The following ZC3H12B variants were observed in gnomAD, a reference collection of about 807,000 sequenced individuals.
The protein encoded by ZC3H12B is zinc finger CCCH-type containing 12B.
Under a neutral mutation model 43.9 loss-of-function variants are expected in ZC3H12B, and 7 were observed. That is an observed-to-expected ratio of 0.16 (90% CI 0.09 to 0.30). The LOEUF is 0.30. Among genes scored for constraint, ZC3H12B ranks in the 10% least tolerant of loss-of-function variants. ZC3H12B has a pLI of 1.00. For synonymous variants in ZC3H12B, 222 were observed against 241.7 expected (o/e 0.92, Z 0.76); for missense variants, 475 against 670.2 (o/e 0.71, Z 3.22).
chrX:65,089,192 G>A, the ZC3H12B span, among the ~76,000 whole-genome samples: 1 of 110,913 alleles, frequency 9.0e-6, no homozygotes, highest in African/African-American at 3.3e-5. Context: ...GCATTATTAG[G>A]CAATTTTGTC....
At chrX:65,215,521 A>G in the ZC3H12B span, among the ~76,000 whole-genome samples, 3 of 110,476 alleles carry the variant, frequency 2.7e-5, no homozygotes, top group African/African-American at 9.9e-5. Flanking sequence ...CTCAGCCTTC[A>G]TAGAGTTGGA....
the ZC3H12B span, among the ~76,000 whole-genome samples, chrX:65,341,796 C>CA: frequency 0.018 from 1,806 of 97,677 alleles, 28 homozygotes; most frequent in African/African-American, 0.048. Context: ...AAAGCAACCA[C>CA]AAAAAAAAAA....
the ZC3H12B span, among the ~76,000 whole-genome samples, chrX:65,060,361 G>T: frequency 8.9e-6 from 1 of 111,829 alleles, no homozygotes; most frequent in East Asian, 2.8e-4. Flanking sequence ...ATTATGTTGA[G>T]GTTTTATGTT....
At chrX:65,224,606 G>C in the ZC3H12B span, among the ~76,000 whole-genome samples, 4 of 112,484 alleles carry the variant, frequency 3.6e-5, no homozygotes, top group Admixed American at 3.7e-4. Context: ...GGGTCGGGGA[G>C]TTCCCTTTCC....
At chrX:65,170,706 C>A in the ZC3H12B span, among the ~76,000 whole-genome samples, 235 of 111,610 alleles carry the variant, frequency 2.1e-3, 1 homozygote, top group Non-Finnish European at 3.4e-3. Flanking sequence ...CACATAGTCC[C>A]ATATTTCTTG....
At chrX:65,315,411 A>G in the ZC3H12B span, among the ~76,000 whole-genome samples, 1 of 111,671 alleles carries the variant, frequency 9.0e-6, no homozygotes, top group Non-Finnish European at 1.9e-5. Context: ...GTACCATTTG[A>G]AAATACATTT....
intron 2 of ZC3H12B, among the ~76,000 whole-genome samples, chrX:65,387,431 A>G (rs1382347369): frequency 2.7e-5 from 3 of 111,121 alleles, no homozygotes; most frequent in African/African-American, 9.8e-5. Context: ...TTGTTGGTTG[A>G]AGTCTGTTTT....
chrX:65,108,614 G>A, the ZC3H12B span, among the ~76,000 whole-genome samples: 1 of 79,968 alleles, frequency 1.3e-5, no homozygotes, highest in Non-Finnish European at 2.4e-5. Flanking sequence ...TGGAGGACTT[G>A]CCTGAGGCTG....
At chrX:65,484,367 A>G (rs1392495476), upstream of ZC3H12B, among the ~76,000 whole-genome samples, 1 of 112,423 alleles carries the variant, frequency 8.9e-6, no homozygotes, top group Non-Finnish European at 1.9e-5. Flanking sequence ...AAGTTAACAA[A>G]AAAAGTAATT....
the ZC3H12B span, among the ~76,000 whole-genome samples, chrX:65,197,519 G>A: frequency 1.8e-5 from 2 of 112,383 alleles, no homozygotes; most frequent in African/African-American, 6.5e-5. Flanking sequence ...AGGCCAATGA[G>A]TTAATTAAGG....
intron 2 of ZC3H12B, among the ~76,000 whole-genome samples, chrX:65,389,309 G>C (rs2066577618): frequency 8.9e-6 from 1 of 112,138 alleles, no homozygotes; most frequent in South Asian, 3.7e-4. Flanking sequence ...CAGCTGCTTT[G>C]TTTACCTACT....
At chrX:65,159,165 G>C in the ZC3H12B span, among the ~76,000 whole-genome samples, 1 of 111,874 alleles carries the variant, frequency 8.9e-6, no homozygotes, top group Non-Finnish European at 1.9e-5. Context: ...ATGCTGTTTT[G>C]GTTACTGTAG....
intron 3 of ZC3H12B, among the ~76,000 whole-genome samples, chrX:65,457,439 G>A (rs1303636654): frequency 1.2e-5 from 1 of 81,236 alleles, no homozygotes; most frequent in Non-Finnish European, 2.2e-5. Context: ...CCGGGAGGGT[G>A]GTGGGGGGGT....
the ZC3H12B span, among the ~76,000 whole-genome samples, chrX:65,054,562 C>A: frequency 1.8e-5 from 2 of 111,675 alleles, no homozygotes; most frequent in Non-Finnish European, 3.8e-5. Flanking sequence ...GTTGAATTGG[C>A]AATGCGGGCT....
chrX:65,072,083 C>A, the ZC3H12B span, among the ~76,000 whole-genome samples: 1 of 111,848 alleles, frequency 8.9e-6, no homozygotes, highest in Admixed American at 9.4e-5. Flanking sequence ...CTCAGGGATA[C>A]CAGTGGGTTA....
chrX:65,051,638 G>A, the ZC3H12B span, among the ~76,000 whole-genome samples: 1 of 111,074 alleles, frequency 9.0e-6, no homozygotes, highest in African/African-American at 3.3e-5. Flanking sequence ...CCTAACAATA[G>A]GAACAAATTA....
chrX:65,044,602 C>T, the ZC3H12B span, among the ~76,000 whole-genome samples: 1 of 110,783 alleles, frequency 9.0e-6, no homozygotes, highest in African/African-American at 3.3e-5. Context: ...AGCAGGGAGA[C>T]CAATTAAAGA....
chrX:65,478,640 C>G (rs1300908905), intron 3 of ZC3H12B, among the ~76,000 whole-genome samples: 1 of 112,330 alleles, frequency 8.9e-6, no homozygotes, highest in Non-Finnish European at 1.9e-5. Flanking sequence ...CTGCCTTGAA[C>G]CAGTAAGTCT....
chrX:65,060,336 C>T, the ZC3H12B span, among the ~76,000 whole-genome samples: 1 of 111,909 alleles, frequency 8.9e-6, no homozygotes, highest in African/African-American at 3.2e-5. Flanking sequence ...TATAGGTCTG[C>T]TGTTTTTGCC....
Sources: allele counts gnomAD v4.1 joint callset (sites outside exome capture counted in the v4.1 genomes callset), GRCh38; gene constraint gnomAD v4.1.1; transcripts MANE v1.5; gene names NCBI Gene and HGNC (gene_info 2026-07-23, HGNC 2026-07-21).